The following PSD4 variants were observed in gnomAD, a reference collection of about 807,000 sequenced individuals.
PSD4 encodes pleckstrin and Sec7 domain containing 4, also known as PH and SEC7 domain-containing protein 4.
A neutral mutation model predicts 112.5 loss-of-function variants in PSD4; 59 were observed. The observed-to-expected ratio is 0.52, with a 90% confidence interval of 0.43 to 0.65. PSD4 has a LOEUF of 0.65. Ranked by LOEUF, PSD4 falls within the 30% of genes least tolerant of loss-of-function variation. The probability of loss-of-function intolerance (pLI) is 0.00; values close to 1 mark genes in which losing one functional copy is unlikely to be tolerated. For synonymous variants in PSD4, 533 were observed against 540.0 expected (o/e 0.99, Z 0.18); for missense variants, 1,267 against 1,352.6 (o/e 0.94, Z 0.99).
At chr2:113,184,192 A>C (rs3791334) in intron 2 of PSD4, among the ~76,000 whole-genome samples, 113,130 of 151,888 alleles carry the variant, frequency 0.74, 43,133 homozygotes, top group African/African-American at 0.91. Flanking sequence ...ATTTTCTAAT[A>C]TCTCAATTCC....
chr2:113,176,234 C>T lies in PSD4; in HGVS notation c.-112+2180C>T, dbSNP rs567226241. Among the ~76,000 whole-genome samples the T allele has an allele frequency of 5.3e-5, 8 of 152,324 alleles. No individual in the cohort carries two copies. The East Asian group carries it at 5.8e-4, about 11-fold the overall frequency. On this transcript the variant is annotated intron_variant, in intron 1 of 16. Coordinates refer to ENST00000245796, the MANE Select transcript of PSD4 (RefSeq NM_012455.3). ...AAACTCACTGTTAGAAAGCACCGTC[C>T]GGGTGCCAGGTGTCAGCTGGGTTCC...
At chr2:113,179,998 C>G (rs1573350270) in intron 1 of PSD4, among the ~76,000 whole-genome samples, 2 of 152,292 alleles carry the variant, frequency 1.3e-5, no homozygotes, top group Middle Eastern at 3.4e-3. Flanking sequence ...AAAGAGATTT[C>G]TTTTGGAGGC....
Position 113,185,865 on chromosome 2 carries a change from G to T in PSD4, c.1250-12G>T. On this transcript the variant is annotated splice_polypyrimidine_tract_variant and intron_variant, in intron 4 of 16. Transcript: ENST00000245796. ...CTGCCCTGTGCCCGCCTCACTTCATGTTCTTCCTCAGATGAGAGGGAGGGT... is the reference window on the plus strand; with the variant it reads ...CTGCCCTGTGCCCGCCTCACTTCATTTTCTTCCTCAGATGAGAGGGAGGGT... 1 of 1,605,984 alleles carries T rather than the reference G, an allele frequency of 6.2e-7. No individual in the cohort carries two copies. The highest frequency in any genetic ancestry group is 8.5e-7 in the Non-Finnish European group (1 of 1,176,268).
intron 13 of PSD4, 39 bp downstream of exon 13, chr2:113,197,673 T>C (rs747865389): frequency 3.7e-6 from 6 of 1,613,834 alleles, no homozygotes; most frequent in Non-Finnish European, 5.1e-6. Flanking sequence ...AATGGGAGAC[T>C]GAGAGAGGCC....
intron 5 of PSD4, among the ~76,000 whole-genome samples, chr2:113,189,254 G>A (rs975634279): frequency 1.3e-5 from 2 of 150,982 alleles, no homozygotes; most frequent in Non-Finnish European, 2.9e-5. Context: ...CCTTTTTATG[G>A]CTAAGTAGTA....
Position 113,196,162 on chromosome 2 carries a change from A to G in PSD4, c.2241A>G (p.Thr747=). ...KLEWAVDEED[T]ARPEKAQPSL... is the part of the protein sequence containing the mutation. ...TGATGTTCAGGGATGAAGAAGACAC[A>G]GCCAGACCTGAGAAGGCCCAGCCGT... The change falls in exon 12 of 17, where the codon ACA becomes ACG. Residue 747 remains threonine (T), a synonymous_variant. Coordinates refer to ENST00000245796, the MANE Select transcript of PSD4 (RefSeq NM_012455.3). 1 of 1,612,916 alleles carries G rather than the reference A, an allele frequency of 6.2e-7. No homozygotes were observed. The highest frequency in any genetic ancestry group is 8.5e-7 in the Non-Finnish European group (1 of 1,179,022).
chr2:113,185,300 C>G (rs552466587), intron 3 of PSD4, 65 bp from the exon 4 acceptor site: 88 of 1,597,210 alleles, frequency 5.5e-5, no homozygotes, highest in Non-Finnish European at 6.8e-5. Context: ...CCCTGCCTGG[C>G]CTCTCCCCCA....
At chr2:113,181,485 G>A (rs535979755) in intron 1 of PSD4, among the ~76,000 whole-genome samples, 20 of 152,306 alleles carry the variant, frequency 1.3e-4, no homozygotes, top group Admixed American at 2.0e-4. Context: ...GAGGTTCCTG[G>A]GCTCATCTGA....
In PSD4 at chr2:113,203,965, C is replaced by T. The variant is rs1379268634; in HGVS notation, c.*2550C>T. The T allele has an allele frequency of 6.6e-6, 1 of 152,246 alleles. No homozygotes were observed. Among genetic ancestry groups the T allele is most frequent in the Non-Finnish European group, 1.5e-5 (1 of 68,052 alleles). The allele number at this position is 152,246 out of a possible 1,614,324, so 9.4% of individuals were successfully genotyped here. A position where few individuals can be genotyped will look rare whatever the true frequency, so the allele number is the denominator to read the frequency against. On this transcript the variant is annotated 3_prime_UTR_variant, in exon 17 of 17. Coordinates refer to ENST00000245796, the MANE Select transcript of PSD4 (RefSeq NM_012455.3). The stretch of plus-strand genomic sequence containing the variant: ...TCATGTAGAACCGGCACCTCTCTTT[C>T]ACCTGAGCACGTGGAATCTTCAGAG...
intron 1 of PSD4, among the ~76,000 whole-genome samples, chr2:113,175,008 T>A (rs1157736973): frequency 6.6e-6 from 1 of 152,112 alleles, no homozygotes; most frequent in East Asian, 1.9e-4. Context: ...CTCTAGAGCA[T>A]CCCGTGGCCC....
intron 14 of PSD4, 177 bp downstream of exon 14, chr2:113,198,090 GC>G: frequency 1.2e-6 from 1 of 816,382 alleles, no homozygotes; most frequent in Non-Finnish European, 1.8e-6. Flanking sequence ...CAGGGATGAA[GC>G]CCAGGCATCG....
chr2:113,197,358 C>T (rs1688640129), intron 12 of PSD4: 2 of 625,056 alleles, frequency 3.2e-6, no homozygotes, highest in South Asian at 1.8e-5. Context: ...TTCCAGCGGG[C>T]ATTGCCTGTG....
rs1366955087 is a variant in PSD4, at chr2:113,199,198, G to A, written c.2885G>A (p.Arg962His). Reference sequence around the variant, plus strand: ...CGTGGCCGCGAGCTGGAGGAGCACCGCCTGCGGAAGGAGTACCTGGAGTAC... The same window carrying A: ...CGTGGCCGCGAGCTGGAGGAGCACCACCTGCGGAAGGAGTACCTGGAGTAC... Reference protein sequence around the residue: ...RGRGRELEEHRLRKEYLEYEK... With the variant: ...RGRGRELEEHHLRKEYLEYEK... The change falls in exon 16 of 17, where the codon CGC becomes CAC. Residue 962 changes from arginine (R) to histidine (H), a missense_variant. Coordinates refer to ENST00000245796, the MANE Select transcript of PSD4 (RefSeq NM_012455.3). The A allele has an allele frequency of 2.0e-6, 3 of 1,518,344 alleles. No homozygotes were observed. The highest frequency in any genetic ancestry group is 2.6e-6 in the Non-Finnish European group (3 of 1,136,634). 94.1% of individuals were successfully genotyped at this position (1,518,344 alleles called of 1,614,324 possible).
rs1185390599 is a variant in PSD4 at position 113,208,125 on chromosome 2, A to G, written c.*6710A>G. 2 of 152,134 alleles carry G rather than the reference A, an allele frequency of 1.3e-5. No homozygotes were observed. Among genetic ancestry groups the G allele is most frequent in the African/African-American group, 2.4e-5 (1 of 41,380 alleles). 9.4% of individuals were successfully genotyped at this position (152,134 alleles called of 1,614,324 possible). On this transcript the variant is annotated 3_prime_UTR_variant, in exon 17 of 17. Transcript: ENST00000245796. ...CTGGTCTCAAACTCCTGACCTCGTG[A>G]TCCGCCGGCCTCTGCCTCCCAAAGT...
chr2:113,194,573 T>C (rs1195291548), intron 10 of PSD4, among the ~76,000 whole-genome samples: 1 of 152,198 alleles, frequency 6.6e-6, no homozygotes, highest in Non-Finnish European at 1.5e-5. Context: ...GTGAACATTA[T>C]AGAGTGAACC....
chr2:113,184,936 GTC>G lies in PSD4; in HGVS notation c.1057-12_1057-11del. 1 of 1,613,462 alleles carries G rather than the reference GTC, an allele frequency of 6.2e-7. No homozygotes were observed. The highest frequency in any genetic ancestry group is 8.5e-7 in the Non-Finnish European group (1 of 1,179,872). ...CACCTCTCCTCTCCTTCTCTCCTCTGTCTCTCTCTCGACTTCTCAGGGAGATA... is the reference window on the plus strand; with the variant it reads ...CACCTCTCCTCTCCTTCTCTCCTCTGTCTCTCTCGACTTCTCAGGGAGATA... On this transcript the variant is annotated intron_variant, in intron 2 of 16. Coordinates refer to ENST00000245796, the MANE Select transcript of PSD4 (RefSeq NM_012455.3).
At chr2:113,180,818 G>C (rs185450619) in intron 1 of PSD4, among the ~76,000 whole-genome samples, 65 of 152,282 alleles carry the variant, frequency 4.3e-4, no homozygotes, top group African/African-American at 1.5e-3. Flanking sequence ...GTGTGTGTTT[G>C]TTAATAGTCT....
intron 11 of PSD4, 133 bp downstream of exon 11, chr2:113,195,903 C>T: frequency 7.6e-7 from 1 of 1,317,366 alleles, no homozygotes; most frequent in South Asian, 1.3e-5. Context: ...AAGCCAGAGG[C>T]AGGGCTCTGG....
At chr2:113,199,006 G>T (rs45624539) in intron 15 of PSD4, 77 bp from the exon 16 acceptor site, 12 of 1,513,304 alleles carry the variant, frequency 7.9e-6, no homozygotes, top group Middle Eastern at 1.7e-4. Context: ...AGGCGGCCAG[G>T]GGGGCGGCGC....
Sources: allele counts gnomAD v4.1 joint callset (sites outside exome capture counted in the v4.1 genomes callset), GRCh38; gene constraint gnomAD v4.1.1; transcripts MANE v1.5; gene names NCBI Gene and HGNC (gene_info 2026-07-23, HGNC 2026-07-21).